GALNT18: variants seen among roughly 807,000 people sequenced by gnomAD.
GALNT18 encodes polypeptide N-acetylgalactosaminyltransferase 18, also known as GalNAc-transferase 18.
A neutral mutation model predicts 69.5 loss-of-function variants in GALNT18; 44 were observed. That is an observed-to-expected ratio of 0.63 (90% CI 0.50 to 0.81). The LOEUF is 0.81. GALNT18 is among the 40% of genes least tolerant of loss of function. GALNT18 has a pLI of 0.00. For missense variants in GALNT18, 715 were observed against 810.0 expected, an observed-to-expected ratio of 0.88 and a Z score of 1.42; for synonymous variants, 364 against 318.2, an observed-to-expected ratio of 1.14 and a Z score of -1.53.
At chr11:11,343,870 C>T (rs936371922) in intron 6 of GALNT18, among the ~76,000 whole-genome samples, 3 of 152,120 alleles carry the variant, frequency 2.0e-5, no homozygotes, top group African/African-American at 7.2e-5. Context: ...AATGGTGGTG[C>T]GGCTCCTCCC....
intron 7 of GALNT18, among the ~76,000 whole-genome samples, chr11:11,336,230 G>A (rs1850111201): frequency 1.3e-5 from 2 of 152,142 alleles, no homozygotes; most frequent in Admixed American, 1.3e-4. Context: ...TAAACAAACT[G>A]ATTTTCAATT....
intron 1 of GALNT18, among the ~76,000 whole-genome samples, chr11:11,492,594 G>A (rs550726452): frequency 6.6e-6 from 1 of 152,264 alleles, no homozygotes; most frequent in Admixed American, 6.5e-5. Context: ...CATGTCCTTT[G>A]CAGGGACATG....
chr11:11,451,908 G>A (rs530636137), intron 1 of GALNT18, among the ~76,000 whole-genome samples: 85 of 152,264 alleles, frequency 5.6e-4, no homozygotes, highest in African/African-American at 2.0e-3. Context: ...CACCAGGGGT[G>A]GCAAACCATG....
chr11:11,371,931 A>G (rs1010637039), intron 6 of GALNT18, among the ~76,000 whole-genome samples: 12 of 151,944 alleles, frequency 7.9e-5, no homozygotes, highest in African/African-American at 2.7e-4. Context: ...TGCTGGAAAA[A>G]ACTCTGTACT....
rs2133056277 is a variant in GALNT18 at position 11,340,420 on chromosome 11, T to C, written c.1278+399A>G. On this transcript the variant is annotated intron_variant, in intron 7 of 10. Transcript: ENST00000227756. The surrounding 1 kb of genome is among the most constrained non-coding windows in gnomAD (Gnocchi z 4.2). Reference sequence around the variant, plus strand: ...AATGGAGAAGTTTGAACCTAATCTGTAGGAAGATTAAGATGCTTTTTGTAA... The same window carrying C: ...AATGGAGAAGTTTGAACCTAATCTGCAGGAAGATTAAGATGCTTTTTGTAA... 6.6e-6 allele frequency among the ~76,000 whole-genome samples: 1 copy of C among 152,270 alleles called. No homozygotes were observed. The highest frequency in any genetic ancestry group is 1.9e-4 in the East Asian group (1 of 5,188).
chr11:11,346,549 T>G (rs1192178796), intron 6 of GALNT18, among the ~76,000 whole-genome samples: 1 of 152,184 alleles, frequency 6.6e-6, no homozygotes, highest in Non-Finnish European at 1.5e-5. Context: ...TAAATTAATG[T>G]CGTAAAACCT....
Position 11,383,165 on chromosome 11 carries a change from C to A in GALNT18, c.596-3901G>T, listed in dbSNP as rs767828944. On this transcript the variant is annotated intron_variant, in intron 3 of 10. Coordinates refer to ENST00000227756, the MANE Select transcript of GALNT18 (RefSeq NM_198516.3). The surrounding 1 kb of genome is among the most constrained non-coding windows in gnomAD (Gnocchi z 5.2). ...CTCTCCACATCCCCACGGGGAGCCT[C>A]CTCTCCGGGCCTGCTCAGGGCAGGC... 1.3e-5 allele frequency among the ~76,000 whole-genome samples: 2 copies of A among 152,162 alleles called. No homozygotes were observed. The highest frequency in any genetic ancestry group is 2.9e-5 in the Non-Finnish European group (2 of 68,030).
intron 1 of GALNT18, chr11:11,475,756 C>A (rs1222776369): frequency 6.6e-6 from 1 of 152,190 alleles, no homozygotes; most frequent in Admixed American, 6.5e-5. Context: ...CCTAGAATCC[C>A]CCACCCCAAC....
chr11:11,298,267 A>C (rs1416792125), intron 9 of GALNT18, among the ~76,000 whole-genome samples: 2 of 152,256 alleles, frequency 1.3e-5, no homozygotes, highest in Non-Finnish European at 2.9e-5. Flanking sequence ...GAAGAGAAGA[A>C]AACACACATA....
rs763149782 is a variant in GALNT18, at chr11:11,347,043, T to G, written c.1093-6039A>C. Among the ~76,000 whole-genome samples the G allele has an allele frequency of 6.6e-6, 1 of 152,140 alleles. No individual in the cohort carries two copies. The highest frequency in any genetic ancestry group is 1.5e-5 in the Non-Finnish European group (1 of 68,022). ...GTTCTCAGGGAGGCTCAGATCACTT[T>G]CTTATCCCAGGCTGAGGAGCCACTG... On this transcript the variant is annotated intron_variant, in intron 6 of 10. Coordinates refer to ENST00000227756, the MANE Select transcript of GALNT18 (RefSeq NM_198516.3). This position sits in a 1 kb window ranked among gnomAD's most constrained non-coding sequence, Gnocchi z 4.0.
intron 10 of GALNT18, among the ~76,000 whole-genome samples, chr11:11,274,346 G>A (rs12288078): frequency 0.12 from 18,768 of 152,070 alleles, 1,767 homozygotes; most frequent in Admixed American, 0.28. Context: ...TGACAGAACC[G>A]TTCACTCTCC....
At position 11,439,840 on chromosome 11, in the gene GALNT18, C is replaced by G. The variant is rs575564798; in HGVS notation, c.429-7053G>C. Among the ~76,000 whole-genome samples, 1 of 152,166 alleles carries G rather than the reference C, an allele frequency of 6.6e-6. No individual in the cohort carries two copies. The highest frequency in any genetic ancestry group is 2.4e-5 in the African/African-American group (1 of 41,430). On this transcript the variant is annotated intron_variant, in intron 2 of 10. Coordinates refer to ENST00000227756, the MANE Select transcript of GALNT18 (RefSeq NM_198516.3). The surrounding 1 kb of genome is among the most constrained non-coding windows in gnomAD (Gnocchi z 4.4). ...ACATTTACTCCCTGCCTGACTGCAG[C>G]AATAAGACTAGATCATCCCACAAGC...
intron 2 of GALNT18, among the ~76,000 whole-genome samples, chr11:11,446,205 C>A (rs1425430645): frequency 6.6e-6 from 1 of 152,208 alleles, no homozygotes; most frequent in Non-Finnish European, 1.5e-5. Flanking sequence ...CATTGCCTGG[C>A]GTACCTTCAC....
chr11:11,440,713 G>A (rs1211907316), intron 2 of GALNT18, among the ~76,000 whole-genome samples: 2 of 152,166 alleles, frequency 1.3e-5, no homozygotes, highest in Admixed American at 6.5e-5. Context: ...CAGTCCTTCA[G>A]GTTGTTAAAC....
intron 1 of GALNT18, among the ~76,000 whole-genome samples, chr11:11,565,314 T>G (rs1300992033): frequency 6.6e-6 from 1 of 152,084 alleles, no homozygotes; most frequent in African/African-American, 2.4e-5. Context: ...AATCACCAAA[T>G]GATTACCACA....
chr11:11,272,659 C>T (rs556212668), intron 10 of GALNT18, among the ~76,000 whole-genome samples: 19 of 152,222 alleles, frequency 1.2e-4, no homozygotes, highest in South Asian at 8.3e-4. Context: ...TCCCCATGCT[C>T]CCATGACAGG....
intron 3 of GALNT18, among the ~76,000 whole-genome samples, chr11:11,425,907 C>T (rs752667810): frequency 9.2e-5 from 14 of 152,268 alleles, no homozygotes; most frequent in Non-Finnish European, 1.9e-4. Flanking sequence ...TGTTGCTTCT[C>T]TCCCTCTGGA....
intron 1 of GALNT18, among the ~76,000 whole-genome samples, chr11:11,548,811 C>A (rs763958429): frequency 6.6e-6 from 1 of 152,226 alleles, no homozygotes; most frequent in Admixed American, 6.5e-5. Context: ...ATGCTGATGG[C>A]AGAAAACTCA....
chr11:11,570,034 T>TA (rs1424668205), intron 1 of GALNT18: 2 of 152,098 alleles, frequency 1.3e-5, no homozygotes, highest in African/African-American at 4.8e-5. Context: ...AAGAGCCTGT[T>TA]TCCTCTGCAA....
Sources: gnomAD v4.1 joint callset for allele counts (sites outside exome capture counted in the v4.1 genomes callset) on GRCh38, gnomAD v4.1.1 for gene constraint, Gnocchi (gnomAD v3.1) non-coding constraint, MANE v1.5 for transcripts, NCBI Gene and HGNC (gene_info 2026-07-23, HGNC 2026-07-21) for gene names.